Variants in ZNF730 observed in about 807,000 individuals in gnomAD.
The protein encoded by ZNF730 is zinc finger protein 730.
A neutral mutation model predicts 12.6 loss-of-function variants in ZNF730; 12 were observed. The observed-to-expected ratio is 0.95, with a 90% CI of 0.61 to 1.54. The LOEUF (loss-of-function observed/expected upper bound fraction) is 1.54. Among genes scored for constraint, ZNF730 ranks in the 40% most tolerant of loss-of-function variants. The probability of loss-of-function intolerance (pLI) is 0.00; values close to 1 mark genes in which losing one functional copy is unlikely to be tolerated. For missense variants in ZNF730, 643 were observed against 583.5 expected, an observed-to-expected ratio of 1.10 and a Z score of -1.05; for synonymous variants, 194 against 195.8, an observed-to-expected ratio of 0.99 and a Z score of 0.08.
chr19:23,146,531 C>G lies in ZNF730; in HGVS notation c.1487C>G (p.Thr496Ser), dbSNP rs1362977279. 1.3e-6 allele frequency: 2 copies of G among 1,583,024 alleles called. No homozygotes were observed. The highest frequency in any genetic ancestry group is 3.6e-5 in the Admixed American group (2 of 55,178). The part of the protein sequence containing the change: ...GKAFRRFSHL[T>S]RHKTIHT Reference sequence around the variant, plus strand: ...GCCTTTAGGCGGTTCTCACACCTTACTAGGCATAAGACAATTCATACATAA... The same window carrying G: ...GCCTTTAGGCGGTTCTCACACCTTAGTAGGCATAAGACAATTCATACATAA... The change falls in exon 4 of 4, where the codon ACT becomes AGT. Residue 496 changes from threonine (T) to serine (S), a missense_variant. Thr to Ser is a moderately conservative substitution (Grantham distance 58). Coordinates refer to ENST00000597761, the MANE Select transcript of ZNF730 (RefSeq NM_001277403.2).
At chr19:23,104,421 C>T (rs925184803) in intron 1 of ZNF730, among the ~76,000 whole-genome samples, 2 of 151,690 alleles carry the variant, frequency 1.3e-5, no homozygotes, top group Non-Finnish European at 2.9e-5. Flanking sequence ...ACCTTTTTGA[C>T]TTTTGCTTGG....
chr19:23,089,092 G>A lies in ZNF730; in HGVS notation c.-94+13705G>A, dbSNP rs796132328. Among the ~76,000 whole-genome samples, 49 of 152,176 alleles carry A rather than the reference G, an allele frequency of 3.2e-4. 1 individual carries two copies. The highest frequency in any genetic ancestry group is 1.1e-3 in the African/African-American group (45 of 41,538). On this transcript the variant is annotated intron_variant, in intron 1 of 2. Coordinates refer to the ZNF730 transcript ENST00000593635. ...TCTCCATGTTGGTCAGGCTGGTCTC[G>A]AACTCTCGACCTCAGGCGATCCACC...
intron 1 of ZNF730, among the ~76,000 whole-genome samples, chr19:23,128,849 AG>A (rs1970705684): frequency 6.6e-6 from 1 of 152,200 alleles, no homozygotes; most frequent in Non-Finnish European, 1.5e-5. Context: ...GAGGCCTAAA[AG>A]AAAAAGACGG....
At chr19:23,105,013 A>G (rs949722711) in intron 1 of ZNF730, among the ~76,000 whole-genome samples, 1 of 152,252 alleles carries the variant, frequency 6.6e-6, no homozygotes, top group African/African-American at 2.4e-5. Context: ...TAAAAGGCCT[A>G]TGTAGAGATA....
In ZNF730 at chr19:23,146,542, A is replaced by T; in HGVS notation, c.1498A>T (p.Thr500Ser). The T allele has an allele frequency of 6.3e-7, 1 of 1,581,478 alleles. No individual in the cohort carries two copies. The highest frequency in any genetic ancestry group is 8.6e-7 in the Non-Finnish European group (1 of 1,166,870). Residue 500 changes from threonine to serine, a missense_variant, in exon 4 of 4, where the codon ACA becomes TCA. Thr to Ser is a moderately conservative substitution (Grantham distance 58, BLOSUM62 1). Transcript: ENST00000597761. ...GTTCTCACACCTTACTAGGCATAAG[A>T]CAATTCATACATAAAATTGTAAAGA... ...RRFSHLTRHK[T>S]IHT
chr19:23,108,403 A>G lies in ZNF730; in HGVS notation c.-93-25677A>G, dbSNP rs891120662. Among the ~76,000 whole-genome samples the G allele has an allele frequency of 9.2e-5, 14 of 151,798 alleles. 1 individual carries two copies. The highest frequency in any genetic ancestry group is 5.3e-4 in the Admixed American group (8 of 15,228). ...GAAAACAATTGGTTTAGGATGAGGGATGGATTCACTGTGTGTGATTATCAT... is the reference window on the plus strand; with the variant it reads ...GAAAACAATTGGTTTAGGATGAGGGGTGGATTCACTGTGTGTGATTATCAT... On this transcript the variant is annotated intron_variant, in intron 1 of 2. Coordinates refer to the ZNF730 transcript ENST00000593635.
chr19:23,144,756 C>T (rs1029418638), intron 3 of ZNF730, among the ~76,000 whole-genome samples: 44 of 148,686 alleles, frequency 3.0e-4, no homozygotes, highest in African/African-American at 1.1e-3. Flanking sequence ...GTCTGTGATA[C>T]CACAGTCTCT....
chr19:23,117,073 T>G lies in ZNF730; in HGVS notation c.-101T>G. 6.3e-7 allele frequency: 1 copy of G among 1,584,164 alleles called. No individual in the cohort carries two copies. The highest frequency in any genetic ancestry group is 8.6e-7 in the Non-Finnish European group (1 of 1,159,666). Reference sequence around the variant, plus strand: ...AAGCTCCAATTTTCGTCTGTCTGCTTTGTGTCCTCTGCACGTAGAAGCCCA... The same window carrying G: ...AAGCTCCAATTTTCGTCTGTCTGCTGTGTGTCCTCTGCACGTAGAAGCCCA... On this transcript the variant is annotated 5_prime_UTR_variant, in exon 1 of 4. Coordinates refer to ENST00000597761, the MANE Select transcript of ZNF730 (RefSeq NM_001277403.2).
At chr19:23,110,962 T>G (rs1249300320) in intron 1 of ZNF730, among the ~76,000 whole-genome samples, 1 of 152,354 alleles carries the variant, frequency 6.6e-6, no homozygotes, top group East Asian at 1.9e-4. Context: ...TTTTCAGTGC[T>G]GTGCACCTAA....
At chr19:23,104,115 G>A (rs1970364848) in intron 1 of ZNF730, among the ~76,000 whole-genome samples, 1 of 151,950 alleles carries the variant, frequency 6.6e-6, no homozygotes, top group South Asian at 2.1e-4. Context: ...AGACCATCCT[G>A]GCTAACACGG....
intron 1 of ZNF730, among the ~76,000 whole-genome samples, chr19:23,091,995 G>A (rs2145490047): frequency 6.6e-6 from 1 of 152,272 alleles, no homozygotes; most frequent in South Asian, 2.1e-4. Flanking sequence ...CTTGAGTTGT[G>A]TATCCCAGAA....
chr19:23,099,470 C>T (rs1970303825), intron 1 of ZNF730, among the ~76,000 whole-genome samples: 1 of 152,202 alleles, frequency 6.6e-6, no homozygotes, highest in Non-Finnish European at 1.5e-5. Flanking sequence ...CTTAAATAAA[C>T]ACAACCCACT....
chr19:23,123,243 G>A (rs1970621628), intron 1 of ZNF730: 1 of 152,180 alleles, frequency 6.6e-6, no homozygotes, highest in Non-Finnish European at 1.5e-5. Flanking sequence ...CCAATTCACT[G>A]GTTAGGAGAT....
chr19:23,081,165 T>G (rs906642858), intron 1 of ZNF730, among the ~76,000 whole-genome samples: 14 of 151,394 alleles, frequency 9.2e-5, no homozygotes, highest in African/African-American at 3.4e-4. Context: ...CTTTTTTTTT[T>G]TGAGGGTCTC....
intron 1 of ZNF730, among the ~76,000 whole-genome samples, chr19:23,108,309 G>C (rs941086815): frequency 6.6e-6 from 1 of 152,052 alleles, no homozygotes; most frequent in African/African-American, 2.4e-5. Flanking sequence ...GTGTTTAGGG[G>C]ATTTTTAACA....
chr19:23,125,217 A>C (rs765271382), intron 1 of ZNF730, among the ~76,000 whole-genome samples: 1 of 152,182 alleles, frequency 6.6e-6, no homozygotes, highest in African/African-American at 2.4e-5. Context: ...TGTTTTTATC[A>C]GCAGTGTGAG....
rs1228596094 is a variant in ZNF730, at chr19:23,145,442, A to T, written c.398A>T (p.His133Leu). ...ATGCACAAAAAAGGTTATAATAGAC[A>T]TAACCAGTGTTTGACAACTTCCCAT... ...FKMHKKGYNR[H>L]NQCLTTSHSK... The change falls in exon 4 of 4, where the codon CAT becomes CTT. Residue 133 changes from histidine to leucine, a missense_variant. Physicochemically the swap from His to Leu is moderately conservative, Grantham distance 99 (BLOSUM62 -3). Coordinates refer to ENST00000597761, the MANE Select transcript of ZNF730 (RefSeq NM_001277403.2). The T allele has an allele frequency of 6.3e-7, 1 of 1,577,602 alleles. No individual in the cohort carries two copies. Among genetic ancestry groups the T allele is most frequent in the African/African-American group, 1.4e-5 (1 of 73,650 alleles).
At chr19:23,099,791 CAT>C (rs917960293) in intron 1 of ZNF730, among the ~76,000 whole-genome samples, 12 of 152,156 alleles carry the variant, frequency 7.9e-5, no homozygotes, top group African/African-American at 2.7e-4. Context: ...GTGATTGTGA[CAT>C]GTGCCTCTGC....
chr19:23,121,034 T>C (rs974061211), intron 1 of ZNF730, among the ~76,000 whole-genome samples: 2 of 152,256 alleles, frequency 1.3e-5, no homozygotes, highest in Admixed American at 6.5e-5. Flanking sequence ...TGTTGAATTA[T>C]ATATTTATCA....
Sources: allele counts gnomAD v4.1 joint callset (sites outside exome capture counted in the v4.1 genomes callset), GRCh38; gene constraint gnomAD v4.1.1; transcripts MANE v1.5; gene names NCBI Gene and HGNC (gene_info 2026-07-23, HGNC 2026-07-21).